The following FER variants were observed in gnomAD, a reference collection of about 807,000 sequenced individuals.
FER encodes the protein tyrosine-protein kinase Fer.
A neutral mutation model predicts 111.0 loss-of-function variants in FER; 63 were observed. The observed-to-expected ratio is 0.57, with a 90% CI of 0.46 to 0.70. FER has a LOEUF of 0.70. Among genes scored for constraint, FER ranks in the 30% least tolerant of loss-of-function variants. The probability of loss-of-function intolerance (pLI) is 0.00; values close to 1 mark genes in which losing one functional copy is unlikely to be tolerated. For synonymous variants in FER, 327 were observed against 313.9 expected, an observed-to-expected ratio of 1.04 and a Z score of -0.44; for missense variants, 914 against 954.0, an observed-to-expected ratio of 0.96 and a Z score of 0.55.
chr5:109,024,268 A>T (rs1345002623), intron 13 of FER, among the ~76,000 whole-genome samples: 2 of 152,136 alleles, frequency 1.3e-5, no homozygotes, highest in Non-Finnish European at 2.9e-5. Flanking sequence ...AGTACATAAT[A>T]CTCCTCAGAT....
intron 16 of FER, chr5:109,052,524 G>C: frequency 1.3e-6 from 1 of 741,192 alleles, no homozygotes; most frequent in Non-Finnish European, 2.3e-6. Flanking sequence ...ACTCCTTGGA[G>C]GATGAAGTAA....
At chr5:109,168,900 C>A (rs10477440) in intron 17 of FER, among the ~76,000 whole-genome samples, 27,295 of 152,202 alleles carry the variant, frequency 0.18, 2,605 homozygotes, top group Non-Finnish European at 0.2. Context: ...TTCTTCCAAA[C>A]CCTTCAGGCA....
At chr5:108,961,400 T>C (rs934710224) in intron 13 of FER, among the ~76,000 whole-genome samples, 6 of 152,158 alleles carry the variant, frequency 3.9e-5, no homozygotes, top group African/African-American at 1.4e-4. Flanking sequence ...TAATATAAAA[T>C]TTGCTATAAA....
intron 13 of FER, among the ~76,000 whole-genome samples, chr5:108,971,439 G>A (rs1040460292): frequency 1.3e-5 from 2 of 152,112 alleles, no homozygotes; most frequent in Non-Finnish European, 2.9e-5. Flanking sequence ...AAGCTTCCTG[G>A]AAGCTGTTAC....
Position 109,190,362 on chromosome 5 carries a change from G to GACAT in FER, c.*2788_*2789insCATA, listed in dbSNP as rs1554164320. On this transcript the variant is annotated 3_prime_UTR_variant, in exon 20 of 20. Transcript: ENST00000281092. ...TTTGTGTTGTTAATGGATTATTCAAGATATATATATATATTCTTACTACTG... is the reference window on the plus strand; with the variant it reads ...TTTGTGTTGTTAATGGATTATTCAAGACATATATATATATATATTCTTACTACTG... The GACAT allele has an allele frequency of 3.3e-5, 5 of 151,022 alleles. No homozygotes were observed. Among genetic ancestry groups the GACAT allele is most frequent in the African/African-American group, 1.2e-4 (5 of 41,194 alleles). The allele number at this position is 151,022 out of a possible 1,614,324, so 9.4% of individuals were successfully genotyped here.
At chr5:109,048,975 T>C (rs1772372737) in intron 16 of FER, among the ~76,000 whole-genome samples, 1 of 152,174 alleles carries the variant, frequency 6.6e-6, no homozygotes, top group Non-Finnish European at 1.5e-5. Context: ...GCAACTTTAT[T>C]TGTGGATAGT....
In FER at chr5:109,187,548, C is replaced by T. The variant is rs1385867659; in HGVS notation, c.2442C>T (p.Leu814=). 7 of 1,613,972 alleles carry T rather than the reference C, an allele frequency of 4.3e-6. No homozygotes were observed. Among genetic ancestry groups the T allele is most frequent in the Non-Finnish European group, 5.9e-6 (7 of 1,180,002 alleles). The change falls in exon 20 of 20, where the codon CTC becomes CTT. Residue 814 remains leucine, a synonymous_variant. Transcript: ENST00000281092. ...RPKFSELQKE[L]TIIKRKLT is the part of the protein sequence containing the mutation. ...AGTTCAGTGAACTTCAGAAAGAGCTCACTATCATCAAGAGAAAACTCACAT... is the reference window on the plus strand; with the variant it reads ...AGTTCAGTGAACTTCAGAAAGAGCTTACTATCATCAAGAGAAAACTCACAT...
chr5:109,147,069 G>T (rs1013639534), intron 17 of FER, among the ~76,000 whole-genome samples: 1 of 151,728 alleles, frequency 6.6e-6, no homozygotes, highest in Non-Finnish European at 1.5e-5. Flanking sequence ...CAACTGAATG[G>T]AAAAATGGGT....
At chr5:109,014,514 G>A (rs1174475669) in intron 13 of FER, among the ~76,000 whole-genome samples, 12 of 152,142 alleles carry the variant, frequency 7.9e-5, no homozygotes, top group East Asian at 3.9e-4. Flanking sequence ...GTCAGGTAGC[G>A]TGATGCCTCC....
intron 13 of FER, among the ~76,000 whole-genome samples, chr5:109,011,200 A>G (rs1237374506): frequency 6.6e-6 from 1 of 152,082 alleles, no homozygotes; most frequent in Admixed American, 6.6e-5. Context: ...AGTATTAGAA[A>G]TTCTTCTAAG....
intron 13 of FER, among the ~76,000 whole-genome samples, chr5:109,020,525 A>C (rs896174161): frequency 6.6e-6 from 1 of 152,038 alleles, no homozygotes; most frequent in East Asian, 1.9e-4. Flanking sequence ...AAAATAAGCC[A>C]CATTTAGATC....
intron 10 of FER, among the ~76,000 whole-genome samples, chr5:108,917,202 C>A (rs1157186114): frequency 6.6e-6 from 1 of 151,960 alleles, no homozygotes. Context: ...GAAATTAATA[C>A]CTATGTGCTT....
chr5:108,925,954 A>G (rs1753679962), intron 10 of FER, among the ~76,000 whole-genome samples: 1 of 152,000 alleles, frequency 6.6e-6, no homozygotes, highest in Non-Finnish European at 1.5e-5. Flanking sequence ...AATGACTCAC[A>G]TAGCTAGCTA....
At position 109,037,368 on chromosome 5, in the gene FER, T is replaced by G. The variant is rs1442654509; in HGVS notation, c.1657-54T>G. On this transcript the variant is annotated intron_variant, in intron 13 of 19. Transcript: ENST00000281092. ...ACTTTCCACTGGCTCAAATGCAACT[T>G]CAAGAAGTGTACCCTTGCTTGTACT... 3.3e-6 allele frequency: 5 copies of G among 1,495,004 alleles called. No homozygotes were observed. In the African/African-American group the frequency reaches 4.1e-5, roughly 12 times the overall value. 92.6% of individuals were successfully genotyped at this position (1,495,004 alleles called of 1,614,324 possible).
At chr5:108,993,604 C>CAAGGGA (rs1362545144) in intron 13 of FER, among the ~76,000 whole-genome samples, 27 of 108,108 alleles carry the variant, frequency 2.5e-4, no homozygotes, top group African/African-American at 9.0e-4. Context: ...AGGGCGAGGG[C>CAAGGGA]GAGGGAGAGG....
chr5:108,986,672 A>G (rs1216398600), intron 13 of FER, among the ~76,000 whole-genome samples: 2 of 152,162 alleles, frequency 1.3e-5, no homozygotes, highest in Non-Finnish European at 2.9e-5. Context: ...GTGACTTTCC[A>G]ATTATTCCAG....
intron 14 of FER, among the ~76,000 whole-genome samples, chr5:109,041,212 G>A (rs139921339): frequency 1.4e-3 from 210 of 152,224 alleles, no homozygotes; most frequent in Non-Finnish European, 2.4e-3. Flanking sequence ...AGCTTTATAG[G>A]TGCAGAATAG....
chr5:109,043,346 T>G (rs934848083), intron 14 of FER, among the ~76,000 whole-genome samples: 1 of 152,184 alleles, frequency 6.6e-6, no homozygotes, highest in Non-Finnish European at 1.5e-5. Flanking sequence ...GAATAACAGA[T>G]GTGAAGCTCA....
At chr5:109,029,220 C>CTTTTTTT (rs558664340) in intron 13 of FER, among the ~76,000 whole-genome samples, 5 of 109,940 alleles carry the variant, frequency 4.5e-5, no homozygotes, top group Admixed American at 8.9e-5. Context: ...TTTAGGCTTT[C>CTTTTTTT]TTTTTTTTTT....
Sources: gnomAD v4.1 joint callset for allele counts (sites outside exome capture counted in the v4.1 genomes callset) on GRCh38, gnomAD v4.1.1 for gene constraint, MANE v1.5 for transcripts, NCBI Gene and HGNC (gene_info 2026-07-23, HGNC 2026-07-21) for gene names.